The following MYO5C variants were observed in gnomAD, a reference collection of about 807,000 sequenced individuals.
MYO5C encodes unconventional myosin-Vc.
A neutral mutation model predicts 235.7 loss-of-function variants in MYO5C; 194 were observed. The ratio of observed to expected loss-of-function variants is 0.82; its 90% CI spans 0.73 to 0.93. The LOEUF (loss-of-function observed/expected upper bound fraction) is 0.93. Ranked by LOEUF, MYO5C falls within the 40% of genes least tolerant of loss-of-function variation. The pLI is 0.00. For synonymous variants in MYO5C, 707 were observed against 754.8 expected (o/e 0.94, Z 1.04); for missense variants, 2,038 against 2,127.2 (o/e 0.96, Z 0.82).
At chr15:52,279,841 A>G (rs1390452939) in intron 2 of MYO5C, among the ~76,000 whole-genome samples, 167 bp from the exon 3 acceptor site, 1 of 152,216 alleles carries the variant, frequency 6.6e-6, no homozygotes, top group Admixed American at 6.5e-5. Context: ...CTCCTGGAAT[A>G]ATGAAAAGTA....
chr15:52,244,702 T>A, intron 18 of MYO5C, 135 bp from the exon 19 acceptor site: 1 of 637,702 alleles, frequency 1.6e-6, no homozygotes, highest in South Asian at 2.1e-5. Context: ...AAAACTCACA[T>A]CATGATCTAG....
At chr15:52,233,319 T>A (rs112059886) in intron 23 of MYO5C, among the ~76,000 whole-genome samples, 91 of 11,952 alleles carry the variant, frequency 7.6e-3, no homozygotes, top group Non-Finnish European at 0.022. Context: ...AAAAAATAAA[T>A]AAATAAATAG....
chr15:52,204,934 C>A lies in MYO5C; in HGVS notation c.4751G>T (p.Gly1584Val), dbSNP rs201778989. 2.0e-5 allele frequency: 32 copies of A among 1,614,212 alleles called. No individual in the cohort carries two copies. In the Middle Eastern group the frequency reaches 6.6e-4, roughly 33 times the overall value. Residue 1584 changes from glycine to valine, a missense_variant, in exon 38 of 41, where the codon GGG (glycine) becomes GTG (valine). Physicochemically the swap from Gly to Val is moderately radical, Grantham distance 109. Coordinates refer to ENST00000261839, the MANE Select transcript of MYO5C (RefSeq NM_018728.4). ...QAVKQLFFLI[G>V]AVTLNSLFLR... ...GAAGAGGCTGTTCAGCGTGACCGCCCCGATCAAGAAGAAGAGCTGCTTCAC... is the reference window on the plus strand; with the variant it reads ...GAAGAGGCTGTTCAGCGTGACCGCCACGATCAAGAAGAAGAGCTGCTTCAC...
intron 33 of MYO5C, 161 bp from the exon 34 acceptor site, chr15:52,213,447 C>T (rs2035493337): frequency 3.5e-6 from 2 of 574,220 alleles, no homozygotes; most frequent in Admixed American, 2.8e-5. Flanking sequence ...AAGAATTTCT[C>T]CAAGTAGTGA....
rs2035482778 is a variant in MYO5C at position 52,213,128 on chromosome 15, C to T, written c.4141+60G>A. ...ACCACCCCTGCCCAGGACTTTGGCA[C>T]TGACTGATATGCAAGTTCTCAAAGA... On this transcript the variant is annotated intron_variant, in intron 34 of 40. Coordinates refer to ENST00000261839, the MANE Select transcript of MYO5C (RefSeq NM_018728.4). The T allele has an allele frequency of 2.3e-6, 3 of 1,310,594 alleles. No individual in the cohort carries two copies. In the African/African-American group the frequency reaches 4.4e-5, roughly 19 times the overall value. The allele number at this position is 1,310,594 out of a possible 1,614,324, so 81.2% of individuals were successfully genotyped here. A position where few individuals can be genotyped will look rare whatever the true frequency, so the allele number is the denominator to read the frequency against.
rs775244650 is a variant in MYO5C, at chr15:52,235,773, G to A, written c.2869-10C>T. Reference sequence around the variant, plus strand: ...GAAGCTTTGCCAATTTCTAGCAGAGGGAAGGGGGAAAAACAAACTTTTTTG... The same window carrying A: ...GAAGCTTTGCCAATTTCTAGCAGAGAGAAGGGGGAAAAACAAACTTTTTTG... On this transcript the variant is annotated splice_polypyrimidine_tract_variant and intron_variant, in intron 22 of 40. Coordinates refer to ENST00000261839, the MANE Select transcript of MYO5C (RefSeq NM_018728.4). 1 of 1,593,570 alleles carries A rather than the reference G, an allele frequency of 6.3e-7. No individual in the cohort carries two copies. The highest frequency in any genetic ancestry group is 8.6e-7 in the Non-Finnish European group (1 of 1,169,506).
intron 32 of MYO5C, among the ~76,000 whole-genome samples, chr15:52,216,988 C>T (rs965759054): frequency 1.3e-5 from 2 of 152,172 alleles, no homozygotes; most frequent in South Asian, 2.1e-4. Context: ...TTAGAGACTT[C>T]GGAGGAGTGT....
At chr15:52,234,813 A>G (rs2036040037) in intron 23 of MYO5C, among the ~76,000 whole-genome samples, 1 of 152,120 alleles carries the variant, frequency 6.6e-6, no homozygotes, top group Admixed American at 6.5e-5. Context: ...CTGAACTCCC[A>G]GGGCTCTGCA....
At chr15:52,248,671 A>G in intron 14 of MYO5C, 29 bp downstream of exon 14, 1 of 1,488,344 alleles carries the variant, frequency 6.7e-7, no homozygotes, top group Non-Finnish European at 9.4e-7. Flanking sequence ...TTATATAATA[A>G]CTTTAGTTAC....
chr15:52,223,574 A>G lies in MYO5C; in HGVS notation c.3597T>C (p.His1199=), dbSNP rs755579183. ...EENDINESIR[H]EVTRLTSENM... is the part of the protein sequence containing the mutation. ...TCTCTGATGTTAGCCTGGTAACTTC[A>G]TGACGGATGCTTTCATTGATGTCAT... The change falls in exon 29 of 41, where the codon CAT becomes CAC. Residue 1199 remains histidine, a synonymous_variant. Coordinates refer to ENST00000261839, the MANE Select transcript of MYO5C (RefSeq NM_018728.4). The G allele has an allele frequency of 6.2e-7, 1 of 1,614,206 alleles. No individual in the cohort carries two copies. The highest frequency in any genetic ancestry group is 8.5e-7 in the Non-Finnish European group (1 of 1,180,016).
At chr15:52,285,615 C>T (rs1254994478) in intron 1 of MYO5C, among the ~76,000 whole-genome samples, 3 of 152,228 alleles carry the variant, frequency 2.0e-5, no homozygotes, top group African/African-American at 7.2e-5. Flanking sequence ...TGCCGAGTGG[C>T]GCGCCGCCAC....
chr15:52,284,962 C>T (rs921689375), intron 1 of MYO5C, among the ~76,000 whole-genome samples: 60 of 151,878 alleles, frequency 4.0e-4, no homozygotes, highest in Non-Finnish European at 8.8e-5. Flanking sequence ...ATGTCAGCCT[C>T]CCAAAGTGCT....
In MYO5C at chr15:52,193,690, C is replaced by T. The variant is rs1174146590; in HGVS notation, c.*212G>A. ...GCTGAGATTCGAGAGTGAGACATGG[C>T]TTTTCCAAATACAGCTGGTGTGTGT... On this transcript the variant is annotated 3_prime_UTR_variant, in exon 41 of 41. Coordinates refer to ENST00000261839, the MANE Select transcript of MYO5C (RefSeq NM_018728.4). 1.9e-6 allele frequency: 1 copy of T among 529,078 alleles called. No individual in the cohort carries two copies. The highest frequency in any genetic ancestry group is 3.6e-5 in the East Asian group (1 of 27,782). The allele number at this position is 529,078 out of a possible 1,614,324, so 32.8% of individuals were successfully genotyped here.
chr15:52,251,540 A>G (rs1383076946), intron 12 of MYO5C, 25 bp from the exon 13 acceptor site: 1 of 1,576,104 alleles, frequency 6.3e-7, no homozygotes, highest in Non-Finnish European at 8.6e-7. Context: ...TAAACCAAAT[A>G]GCAAGTAAGA....
Position 52,251,405 on chromosome 15 carries a change from C to A in MYO5C, c.1647G>T (p.Gln549His). 1 of 1,596,414 alleles carries A rather than the reference C, an allele frequency of 6.3e-7. No individual in the cohort carries two copies. Among genetic ancestry groups the A allele is most frequent in the Non-Finnish European group, 8.5e-7 (1 of 1,169,886 alleles). Residue 549 changes from glutamine (Q) to histidine (H), a missense_variant, in exon 13 of 41, where the codon CAG (glutamine) becomes CAT (histidine). By Grantham distance (24) the Gln-to-His change is conservative. Coordinates refer to ENST00000261839, the MANE Select transcript of MYO5C (RefSeq NM_018728.4). ...TTCACGGTACCTTATCAGCAAAGTG[C>A]TGGATGACAAAGGATGTGTTTGACA... ...PRMSNTSFVIQHFADKVEYKC... is the reference protein window; with the variant it reads ...PRMSNTSFVIHHFADKVEYKC...
At chr15:52,287,323 C>A (rs1342243412) in intron 1 of MYO5C, among the ~76,000 whole-genome samples, 1 of 152,226 alleles carries the variant, frequency 6.6e-6, no homozygotes, top group Non-Finnish European at 1.5e-5. Flanking sequence ...GTCTCAGGCA[C>A]ACACACCCAC....
Position 52,225,155 on chromosome 15 carries a change from G to A in MYO5C, c.3302-17C>T. 1 of 1,613,294 alleles carries A rather than the reference G, an allele frequency of 6.2e-7. No individual in the cohort carries two copies. The highest frequency in any genetic ancestry group is 8.5e-7 in the Non-Finnish European group (1 of 1,179,526). On this transcript the variant is annotated splice_polypyrimidine_tract_variant and intron_variant, in intron 26 of 40. Transcript: ENST00000261839. ...ACATCTTTTCTGAAAGGGAAAGGCAGAGTTGTATATATTACATTTGTGGAT... is the reference window on the plus strand; with the variant it reads ...ACATCTTTTCTGAAAGGGAAAGGCAAAGTTGTATATATTACATTTGTGGAT...
At chr15:52,283,039 C>A in intron 1 of MYO5C, 147 bp from the exon 2 acceptor site, 1 of 640,516 alleles carries the variant, frequency 1.6e-6, no homozygotes, top group Non-Finnish European at 2.8e-6. Flanking sequence ...ATGAGGTGAT[C>A]TTTCGTGCAT....
chr15:52,244,272 T>C (rs1305017137), intron 19 of MYO5C, 84 bp downstream of exon 19: 1 of 1,390,024 alleles, frequency 7.2e-7, no homozygotes, highest in Non-Finnish European at 9.9e-7. Context: ...GAAAGGTCCC[T>C]TGTCCTTGAT....
Sources: allele counts gnomAD v4.1 joint callset (sites outside exome capture counted in the v4.1 genomes callset), GRCh38; gene constraint gnomAD v4.1.1; transcripts MANE v1.5; gene names NCBI Gene and HGNC (gene_info 2026-07-23, HGNC 2026-07-21).